MEI4: variants seen among roughly 807,000 people sequenced by gnomAD.
MEI4 encodes the protein meiosis-specific protein MEI4.
Under a neutral mutation model 31.4 loss-of-function variants are expected in MEI4, and 27 were observed. The observed-to-expected ratio is 0.86, with a 90% CI of 0.63 to 1.19. The LOEUF is 1.19. Ranked by LOEUF, MEI4 falls within the 50% of genes most tolerant of loss-of-function variation. The pLI, the probability that MEI4 is intolerant of heterozygous loss-of-function variation, is 0.00. For missense variants in MEI4, 329 were observed against 398.9 expected (o/e 0.82, Z 1.49); for synonymous variants, 122 against 145.4 (o/e 0.84, Z 1.16).
intron 4 of MEI4, among the ~76,000 whole-genome samples, chr6:77,860,070 A>G (rs6941768): frequency 0.019 from 2,894 of 152,282 alleles, 64 homozygotes; most frequent in East Asian, 0.088. Context: ...TTCATTTCAC[A>G]TCGCTTATTT....
At chr6:77,922,998 T>C in intron 4 of MEI4, 91 bp from the exon 5 acceptor site, 1 of 702,188 alleles carries the variant, frequency 1.4e-6, no homozygotes, top group Admixed American at 4.4e-5. Flanking sequence ...CAAATATATT[T>C]CGTTTGCCTG....
intron 2 of MEI4, among the ~76,000 whole-genome samples, chr6:77,731,019 G>C (rs1487589148): frequency 1.3e-5 from 2 of 151,734 alleles, no homozygotes; most frequent in African/African-American, 4.9e-5. Context: ...TCTTAATCCA[G>C]TCTATTGTTG....
Position 77,690,650 on chromosome 6 carries a change from A to C in MEI4, c.-14-8A>C. Reference sequence around the variant, plus strand: ...AATTTCTATAACTTTTTTCTTATTAAATGATAGGGACAAAAGCCAGGATGG... The same window carrying C: ...AATTTCTATAACTTTTTTCTTATTACATGATAGGGACAAAAGCCAGGATGG... On this transcript the variant is annotated splice_region_variant and splice_polypyrimidine_tract_variant and intron_variant, in intron 1 of 4. Coordinates refer to ENST00000684080, the MANE Select transcript of MEI4 (RefSeq NM_001322247.2). The C allele has an allele frequency of 1.7e-6, 2 of 1,195,652 alleles. No individual in the cohort carries two copies. The highest frequency in any genetic ancestry group is 2.1e-6 in the Non-Finnish European group (2 of 954,854). The allele number at this position is 1,195,652 out of a possible 1,614,324, so 74.1% of individuals were successfully genotyped here.
At chr6:77,726,164 C>A (rs1297648147) in intron 2 of MEI4, among the ~76,000 whole-genome samples, 1 of 143,644 alleles carries the variant, frequency 7.0e-6, no homozygotes, top group Non-Finnish European at 1.5e-5. Flanking sequence ...ATCTGTTTAA[C>A]AAAGCACATC....
chr6:77,790,500 C>T (rs923689400), intron 3 of MEI4, among the ~76,000 whole-genome samples: 1 of 151,794 alleles, frequency 6.6e-6, no homozygotes, highest in African/African-American at 2.4e-5. Context: ...TGTCTAAACT[C>T]CACCACTATG....
Position 77,690,167 on chromosome 6 carries a change from T to C in MEI4, c.-14-491T>C, listed in dbSNP as rs566724517. 2.6e-5 allele frequency among the ~76,000 whole-genome samples: 4 copies of C among 152,060 alleles called. No individual in the cohort carries two copies. In the South Asian group the frequency reaches 8.3e-4, roughly 32 times the overall value. On this transcript the variant is annotated intron_variant, in intron 1 of 4. Transcript: ENST00000684080. ...CAGAAATAGCAGGTAAAAGGTTCAT[T>C]AAGGAATGCAAGATTTAACAGATGG... is the stretch of plus-strand genomic sequence containing the variant.
chr6:77,806,336 T>C (rs1338793690), intron 3 of MEI4, among the ~76,000 whole-genome samples: 1 of 152,146 alleles, frequency 6.6e-6, no homozygotes. Flanking sequence ...AGCATACTTA[T>C]TGGTGTTTTG....
At chr6:77,918,236 G>T (rs1766613470) in intron 4 of MEI4, among the ~76,000 whole-genome samples, 1 of 151,828 alleles carries the variant, frequency 6.6e-6, no homozygotes, top group South Asian at 2.1e-4. Context: ...GCTTAGGATT[G>T]ACTTGGCGAT....
At chr6:77,709,538 GA>G (rs1766409623) in intron 2 of MEI4, among the ~76,000 whole-genome samples, 1 of 152,140 alleles carries the variant, frequency 6.6e-6, no homozygotes, top group African/African-American at 2.4e-5. Context: ...ACTAGTTGGT[GA>G]AAAGGTAACT....
chr6:77,862,622 C>T (rs1431436876), intron 4 of MEI4, among the ~76,000 whole-genome samples: 1 of 152,204 alleles, frequency 6.6e-6, no homozygotes, highest in Non-Finnish European at 1.5e-5. Flanking sequence ...GGAGGCCTGC[C>T]TGCCTCTGTA....
At chr6:77,875,547 C>A (rs575088950) in intron 4 of MEI4, among the ~76,000 whole-genome samples, 1 of 152,116 alleles carries the variant, frequency 6.6e-6, no homozygotes, top group African/African-American at 2.4e-5. Context: ...GTAAACTAGA[C>A]AGAAAGTAGT....
chr6:77,826,017 T>C (rs1769940184), intron 3 of MEI4, among the ~76,000 whole-genome samples: 1 of 152,174 alleles, frequency 6.6e-6, no homozygotes, highest in South Asian at 2.1e-4. Context: ...TCCCTACCAT[T>C]GAACAGTACC....
chr6:77,790,850 C>A (rs541657208), intron 3 of MEI4, among the ~76,000 whole-genome samples: 9 of 152,110 alleles, frequency 5.9e-5, no homozygotes, highest in African/African-American at 9.6e-5. Flanking sequence ...AAACAAACAA[C>A]CCCATCAAAA....
At chr6:77,849,047 GT>G (rs774289695) in intron 4 of MEI4, among the ~76,000 whole-genome samples, 1 of 151,682 alleles carries the variant, frequency 6.6e-6, no homozygotes, top group Non-Finnish European at 1.5e-5. Context: ...TAATTGCTGG[GT>G]TTTTTTAATG....
chr6:77,908,933 T>C (rs979070646), intron 4 of MEI4, among the ~76,000 whole-genome samples: 2 of 151,972 alleles, frequency 1.3e-5, no homozygotes, highest in African/African-American at 4.8e-5. Context: ...CTGTCAACAT[T>C]AGACAGAACA....
At chr6:77,707,489 A>G (rs1263313484) in intron 2 of MEI4, among the ~76,000 whole-genome samples, 1 of 152,254 alleles carries the variant, frequency 6.6e-6, no homozygotes, top group Non-Finnish European at 1.5e-5. Flanking sequence ...CATCCTGACC[A>G]TGAGTTAGAC....
intron 3 of MEI4, among the ~76,000 whole-genome samples, chr6:77,818,938 A>G (rs779125344): frequency 6.6e-6 from 1 of 151,962 alleles, no homozygotes; most frequent in Non-Finnish European, 1.5e-5. Flanking sequence ...GGGTCTCACT[A>G]TGTTGCCCTG....
intron 1 of MEI4, among the ~76,000 whole-genome samples, chr6:77,673,963 A>G (rs534377464): frequency 1.6e-4 from 24 of 152,328 alleles, no homozygotes; most frequent in Non-Finnish European, 3.1e-4. Flanking sequence ...TTTATTGCTT[A>G]TCCCTTCTAA....
At chr6:77,664,593 G>A (rs1424931131) in intron 1 of MEI4, among the ~76,000 whole-genome samples, 1 of 151,890 alleles carries the variant, frequency 6.6e-6, no homozygotes. Flanking sequence ...GACCTAGCTC[G>A]GCCTGGTGAG....
Sources: allele counts gnomAD v4.1 joint callset (sites outside exome capture counted in the v4.1 genomes callset), GRCh38; gene constraint gnomAD v4.1.1; transcripts MANE v1.5; gene names NCBI Gene and HGNC (gene_info 2026-07-23, HGNC 2026-07-21).